XRCC5: variants seen among roughly 807,000 people sequenced by gnomAD.
XRCC5 encodes the protein X-ray repair cross complementing 5.
In XRCC5, 12 loss-of-function variants were observed where a neutral mutation model predicts 95.7. The observed-to-expected ratio is 0.13, with a 90% CI of 0.08 to 0.20. The LOEUF (loss-of-function observed/expected upper bound fraction) is 0.20, where lower values mean the gene tolerates loss of function less well. Among genes scored for constraint, XRCC5 ranks in the 10% least tolerant of loss-of-function variants. The probability of loss-of-function intolerance (pLI) is 1.00; values close to 1 mark genes in which losing one functional copy is unlikely to be tolerated. For synonymous variants in XRCC5, 281 were observed against 290.3 expected, an observed-to-expected ratio of 0.97 and a Z score of 0.33; for missense variants, 595 against 873.9, an observed-to-expected ratio of 0.68 and a Z score of 4.02.
intron 4 of XRCC5, 105 bp downstream of exon 4, chr2:216,117,899 T>A (rs1696730887): frequency 8.4e-7 from 1 of 1,195,130 alleles, no homozygotes; most frequent in Admixed American, 1.8e-5. Context: ...AAGCTGCATG[T>A]TTGTGTGACA....
intron 13 of XRCC5, among the ~76,000 whole-genome samples, chr2:216,142,596 GAA>G (rs748809619): frequency 2.7e-5 from 4 of 150,808 alleles, no homozygotes; most frequent in African/African-American, 9.7e-5. Flanking sequence ...CCACAAAACT[GAA>G]AAAAAAATTA....
chr2:216,158,848 A>G (rs1574471142), intron 14 of XRCC5, among the ~76,000 whole-genome samples: 2 of 152,150 alleles, frequency 1.3e-5, no homozygotes, highest in African/African-American at 2.4e-5. Context: ...AAGCCCATAT[A>G]TGTTTTATTT....
At chr2:216,111,528 AAG>A (rs1240386475) in intron 1 of XRCC5, 1 of 285,696 alleles carries the variant, frequency 3.5e-6, no homozygotes, top group Non-Finnish European at 7.2e-6. Flanking sequence ...TCTCAAAAAA[AAG>A]GAAAAAAAAA....
chr2:216,128,757 A>G (rs1171419584), intron 8 of XRCC5, among the ~76,000 whole-genome samples: 1 of 152,230 alleles, frequency 6.6e-6, no homozygotes, highest in Non-Finnish European at 1.5e-5. Flanking sequence ...TGAGGGTAAC[A>G]TCTAATGGAC....
chr2:216,137,278 G>A, intron 11 of XRCC5, 53 bp downstream of exon 11: 3 of 1,565,472 alleles, frequency 1.9e-6, no homozygotes, highest in Non-Finnish European at 1.7e-6. Context: ...TTTATTCTAA[G>A]CAGTGTTTCT....
chr2:216,137,789 A>C (rs1054722066), intron 11 of XRCC5, among the ~76,000 whole-genome samples: 3 of 152,178 alleles, frequency 2.0e-5, no homozygotes, highest in Admixed American at 2.0e-4. Context: ...ACATATCTTG[A>C]CTTCCAGGTC....
At chr2:216,166,210 T>C (rs900708745) in intron 16 of XRCC5, among the ~76,000 whole-genome samples, 6 of 152,098 alleles carry the variant, frequency 3.9e-5, no homozygotes, top group African/African-American at 1.4e-4. Flanking sequence ...AGCCTCTACC[T>C]CCTGGGCTCA....
chr2:216,110,293 C>T (rs1032378155), intron 1 of XRCC5, among the ~76,000 whole-genome samples: 2 of 151,822 alleles, frequency 1.3e-5, no homozygotes, highest in Non-Finnish European at 2.9e-5. Context: ...TCTGAAGGGT[C>T]ACTAGAGGGA....
intron 6 of XRCC5, among the ~76,000 whole-genome samples, chr2:216,125,311 C>T (rs560687706): frequency 6.6e-6 from 1 of 152,130 alleles, no homozygotes; most frequent in East Asian, 1.9e-4. Flanking sequence ...GATTCTCCTA[C>T]CTCAGCCTCC....
intron 1 of XRCC5, among the ~76,000 whole-genome samples, chr2:216,112,380 C>A (rs1696604213): frequency 6.6e-6 from 1 of 151,566 alleles, no homozygotes; most frequent in South Asian, 2.1e-4. Flanking sequence ...GGATGCTCCT[C>A]CTGTGTCTCT....
At chr2:216,138,014 C>A in intron 11 of XRCC5, 75 bp from the exon 12 acceptor site, 1 of 1,286,614 alleles carries the variant, frequency 7.8e-7, no homozygotes, top group Non-Finnish European at 1.1e-6. Flanking sequence ...GCTACTTTCA[C>A]AGAATTTGGG....
At chr2:216,116,050 A>G (rs1034785547) in intron 2 of XRCC5, among the ~76,000 whole-genome samples, 1 of 152,194 alleles carries the variant, frequency 6.6e-6, no homozygotes, top group Non-Finnish European at 1.5e-5. Context: ...ATTCATGTTG[A>G]TACGTGTTGC....
At chr2:216,125,778 G>T (rs1189212083) in intron 6 of XRCC5, 139 bp from the exon 7 acceptor site, 2 of 649,256 alleles carry the variant, frequency 3.1e-6, no homozygotes, top group East Asian at 5.7e-5. Context: ...TGTGGTTGTT[G>T]TTTTCCGGCC....
At chr2:216,152,667 T>G (rs932016231) in intron 14 of XRCC5, among the ~76,000 whole-genome samples, 1 of 151,530 alleles carries the variant, frequency 6.6e-6, no homozygotes, top group Non-Finnish European at 1.5e-5. Flanking sequence ...TTTTTTAATT[T>G]TAGTTTTTGA....
intron 6 of XRCC5, among the ~76,000 whole-genome samples, chr2:216,125,193 T>C (rs894154287): frequency 2.9e-4 from 44 of 149,358 alleles, no homozygotes; most frequent in Non-Finnish European, 1.6e-4. Flanking sequence ...CTTTTTTTTT[T>C]CCTTTTTTCT....
intron 13 of XRCC5, among the ~76,000 whole-genome samples, chr2:216,144,247 A>G (rs528180646): frequency 6.6e-6 from 1 of 152,346 alleles, no homozygotes; most frequent in East Asian, 1.9e-4. Flanking sequence ...AATAACATGG[A>G]AAAGCATGAA....
At chr2:216,116,221 A>G (rs544501119) in intron 2 of XRCC5, among the ~76,000 whole-genome samples, 2 of 152,138 alleles carry the variant, frequency 1.3e-5, no homozygotes, top group South Asian at 4.1e-4. Context: ...TTTCTAGGGT[A>G]TACTGTATAT....
At chr2:216,187,821 A>ACACACTCTCTCT (rs1312215177) in intron 16 of XRCC5, among the ~76,000 whole-genome samples, 8 of 47,968 alleles carry the variant, frequency 1.7e-4, no homozygotes, top group African/African-American at 8.0e-4. Flanking sequence ...ACACACACAC[A>ACACACTCTCTCT]CTCTCTCTCT....
At chr2:216,193,938 A>G (rs1275292545) in intron 18 of XRCC5, among the ~76,000 whole-genome samples, 4 of 152,216 alleles carry the variant, frequency 2.6e-5, no homozygotes, top group African/African-American at 9.6e-5. Context: ...TTACTGAGCT[A>G]AAATTGATTA....
Sources: allele counts gnomAD v4.1 joint callset (sites outside exome capture counted in the v4.1 genomes callset), GRCh38; gene constraint gnomAD v4.1.1; transcripts MANE v1.5; gene names NCBI Gene and HGNC (gene_info 2026-07-23, HGNC 2026-07-21).